Variants in CCDC34 observed in about 807,000 individuals in gnomAD.
CCDC34 encodes the protein coiled-coil domain containing 34, also known as coiled-coil domain-containing protein 34.
CCDC34 carries 40 observed loss-of-function variants against 44.1 expected under a neutral mutation model. The observed-to-expected ratio is 0.91, with a 90% CI of 0.70 to 1.18. The LOEUF is 1.18. Ranked by LOEUF, CCDC34 falls within the 50% of genes most tolerant of loss-of-function variation. CCDC34 has a pLI of 0.00. For missense variants in CCDC34, 466 were observed against 452.3 expected, an observed-to-expected ratio of 1.03 and a Z score of -0.28; for synonymous variants, 159 against 158.2, an observed-to-expected ratio of 1.01 and a Z score of -0.04.
chr11:27,363,124 G>C lies in CCDC34; in HGVS notation c.71C>G (p.Pro24Arg). ...SYAGFSADCR[P>R]RSRPSSDSCS... is the part of the protein sequence containing the mutation. ...GGAGTCCGAGGAGGGCCGAGACCTG[G>C]GTCTGCAGTCAGCAGAGAAACCGGC... The change falls in exon 1 of 6, where the codon CCC (proline) becomes CGC (arginine). Residue 24 changes from proline (P) to arginine (R), a missense_variant. Physicochemically the swap from Pro to Arg is moderately radical, Grantham distance 103. Coordinates refer to ENST00000328697, the MANE Select transcript of CCDC34 (RefSeq NM_030771.2). The C allele has an allele frequency of 6.4e-7, 1 of 1,563,194 alleles. No homozygotes were observed. The highest frequency in any genetic ancestry group is 8.7e-7 in the Non-Finnish European group (1 of 1,155,876).
At position 27,357,513 on chromosome 11, in the gene CCDC34, C is replaced by G; in HGVS notation, c.388G>C (p.Glu130Gln). ...GGTAAGCGCACCTGTTTCTGTTCTT[C>G]TTGGTTATTTTCTGATTCAACCTGA... ...STQVESENNQ[E>Q]EQKQVRLPES... The change falls in exon 2 of 6, where the codon GAA (glutamate) becomes CAA (glutamine). Residue 130 changes from glutamate (E) to glutamine (Q), a missense_variant. By Grantham distance (29) the Glu-to-Gln change is conservative. Coordinates refer to ENST00000328697, the MANE Select transcript of CCDC34 (RefSeq NM_030771.2). 1 of 1,613,958 alleles carries G rather than the reference C, an allele frequency of 6.2e-7. No individual in the cohort carries two copies. The highest frequency in any genetic ancestry group is 8.5e-7 in the Non-Finnish European group (1 of 1,179,898).
chr11:27,339,854 G>A (rs1326944493), intron 5 of CCDC34, among the ~76,000 whole-genome samples: 3 of 150,746 alleles, frequency 2.0e-5, no homozygotes, highest in African/African-American at 7.3e-5. Flanking sequence ...AATATGTTTA[G>A]TATTCCCACC....
intron 2 of CCDC34, 112 bp from the exon 3 acceptor site, chr11:27,350,551 T>C (rs1590327250): frequency 2.0e-6 from 2 of 989,770 alleles, no homozygotes; most frequent in East Asian, 2.6e-5. Context: ...GTTTCCTTTA[T>C]GGAGCATATG....
chr11:27,358,446 T>C (rs1363427155), intron 1 of CCDC34, among the ~76,000 whole-genome samples: 1 of 152,234 alleles, frequency 6.6e-6, no homozygotes, highest in African/African-American at 2.4e-5. Context: ...TTCACATTCC[T>C]GCTTATAGCA....
At chr11:27,357,379 A>T in intron 2 of CCDC34, 24 bp downstream of exon 2, 1 of 1,595,594 alleles carries the variant, frequency 6.3e-7, no homozygotes. Flanking sequence ...CAGATTAAAT[A>T]AAAAGAACAC....
At chr11:27,358,966 C>G (rs1007017621) in intron 1 of CCDC34, among the ~76,000 whole-genome samples, 7 of 118,890 alleles carry the variant, frequency 5.9e-5, no homozygotes, top group African/African-American at 1.2e-4. Context: ...GGACCCCCCC[C>G]CCCCACCGCC....
intron 2 of CCDC34, among the ~76,000 whole-genome samples, chr11:27,350,867 A>T (rs1401426014): frequency 6.6e-6 from 1 of 152,236 alleles, no homozygotes; most frequent in East Asian, 1.9e-4. Context: ...TATATTAAAA[A>T]TTTAATTCAG....
At chr11:27,342,256 T>C (rs1018374748) in intron 3 of CCDC34, among the ~76,000 whole-genome samples, 2 of 150,354 alleles carry the variant, frequency 1.3e-5, no homozygotes, top group African/African-American at 4.9e-5. Flanking sequence ...CTTAGTATTT[T>C]TTAATGGATG....
chr11:27,340,761 T>A lies in CCDC34; in HGVS notation c.842A>T (p.Glu281Val). 1 of 1,613,998 alleles carries A rather than the reference T, an allele frequency of 6.2e-7. No individual in the cohort carries two copies. Among genetic ancestry groups the A allele is most frequent in the Non-Finnish European group, 8.5e-7 (1 of 1,179,928 alleles). Residue 281 changes from glutamate (E) to valine (V), a missense_variant, in exon 5 of 6, where the codon GAA becomes GTA. Coordinates refer to ENST00000328697, the MANE Select transcript of CCDC34 (RefSeq NM_030771.2). ...TGGACGAGGTTTATGTTTCGCATTT[T>A]CCAACCATTCTTGAAACTTTTTTTC... Reference protein sequence around the residue: ...IAEKKFQEWLENAKHKPRPAA... With the variant: ...IAEKKFQEWLVNAKHKPRPAA...
At chr11:27,357,001 G>A (rs988278303) in intron 2 of CCDC34, among the ~76,000 whole-genome samples, 2 of 151,394 alleles carry the variant, frequency 1.3e-5, no homozygotes, top group Non-Finnish European at 2.9e-5. Flanking sequence ...AAATTTTGCC[G>A]AGTGTATACA....
Position 27,338,958 on chromosome 11 carries a change from G to C in CCDC34, c.985C>G (p.Pro329Ala). The C allele has an allele frequency of 6.2e-7, 1 of 1,613,890 alleles. No homozygotes were observed. The highest frequency in any genetic ancestry group is 8.5e-7 in the Non-Finnish European group (1 of 1,179,910). Residue 329 changes from proline to alanine, a missense_variant, in exon 6 of 6, where the codon CCC becomes GCC. Coordinates refer to ENST00000328697, the MANE Select transcript of CCDC34 (RefSeq NM_030771.2). ...IPWKPIHMPP[P>A]KEAKDLSGRK... ...CCTGATAGATCCTTAGCTTCTTTGGGAGGTGGCATATGAATTGGTTTCCAC... is the reference window on the plus strand; with the variant it reads ...CCTGATAGATCCTTAGCTTCTTTGGCAGGTGGCATATGAATTGGTTTCCAC...
chr11:27,344,589 C>T lies in CCDC34; in HGVS notation c.607-3039G>A, dbSNP rs183529119. On this transcript the variant is annotated intron_variant, in intron 3 of 5. Coordinates refer to ENST00000328697, the MANE Select transcript of CCDC34 (RefSeq NM_030771.2). ...TCAGGAACAAGGCAAGATAACTGCC[C>T]TCATCAGCAAAAACATGAAATACTG... Among the ~76,000 whole-genome samples, 335 of 151,358 alleles carry T rather than the reference C, an allele frequency of 2.2e-3. 2 individuals carry two copies. Among genetic ancestry groups the T allele is most frequent in the Non-Finnish European group, 3.4e-3 (229 of 67,784 alleles).
intron 3 of CCDC34, among the ~76,000 whole-genome samples, chr11:27,347,022 A>G (rs1339169248): frequency 1.3e-5 from 2 of 152,226 alleles, no homozygotes; most frequent in Non-Finnish European, 2.9e-5. Context: ...AACTGTGAGT[A>G]AAGATATATT....
At chr11:27,345,301 ATATTT>A (rs1862416803) in intron 3 of CCDC34, among the ~76,000 whole-genome samples, 2 of 152,234 alleles carry the variant, frequency 1.3e-5, no homozygotes, top group African/African-American at 4.8e-5. Context: ...TATTATTATT[ATATTT>A]TAAGTTTTAG....
intron 1 of CCDC34, among the ~76,000 whole-genome samples, chr11:27,362,027 T>C (rs1206922795): frequency 2.0e-5 from 3 of 152,214 alleles, no homozygotes; most frequent in Non-Finnish European, 4.4e-5. Flanking sequence ...ATCTTCGTAG[T>C]AGACCCAGGT....
intron 1 of CCDC34, 113 bp from the exon 2 acceptor site, chr11:27,357,654 G>C: frequency 1.2e-6 from 1 of 838,716 alleles, no homozygotes; most frequent in Non-Finnish European, 1.7e-6. Flanking sequence ...TCAATATTGT[G>C]ATTTTTACAA....
At chr11:27,360,995 T>C (rs1862655535) in intron 1 of CCDC34, among the ~76,000 whole-genome samples, 1 of 152,206 alleles carries the variant, frequency 6.6e-6, no homozygotes, top group South Asian at 2.1e-4. Flanking sequence ...AGTGCTAAGT[T>C]TCTGAAGCAT....
In CCDC34 at chr11:27,341,473, C is replaced by T. The variant is rs1385931388; in HGVS notation, c.684G>A (p.Leu228=). The T allele has an allele frequency of 1.4e-6, 2 of 1,452,100 alleles. No homozygotes were observed. Among genetic ancestry groups the T allele is most frequent in the South Asian group, 1.4e-5 (1 of 73,520 alleles). 90.0% of individuals were successfully genotyped at this position (1,452,100 alleles called of 1,614,324 possible). ...KAAKELEKEY[L]QEKAKEKYQE... is the part of the protein sequence containing the mutation. ...GATATTTTTCTTTTGCTTTTTCTTG[C>T]AAGTATTCTTTCTCCAGTTCCTTTG... The change falls in exon 4 of 6, where the codon TTG becomes TTA. Residue 228 remains leucine (L), a synonymous_variant. Coordinates refer to ENST00000328697, the MANE Select transcript of CCDC34 (RefSeq NM_030771.2).
chr11:27,348,690 CAG>C (rs911107411), intron 3 of CCDC34, among the ~76,000 whole-genome samples: 2 of 149,714 alleles, frequency 1.3e-5, no homozygotes, highest in African/African-American at 4.9e-5. Flanking sequence ...GAAATGTAAA[CAG>C]AGGAGAAAAA....
Sources: allele counts gnomAD v4.1 joint callset (sites outside exome capture counted in the v4.1 genomes callset), GRCh38; gene constraint gnomAD v4.1.1; transcripts MANE v1.5; gene names NCBI Gene and HGNC (gene_info 2026-07-23, HGNC 2026-07-21).